Variants in RCAN2 observed in about 807,000 individuals in gnomAD.
RCAN2 encodes calcipressin-2.
In RCAN2, 9 loss-of-function variants were observed where a neutral mutation model predicts 23.6. The observed-to-expected ratio is 0.38, with a 90% confidence interval of 0.23 to 0.67. The LOEUF is 0.67. Among genes scored for constraint, RCAN2 ranks in the 30% least tolerant of loss-of-function variants. RCAN2 has a pLI of 0.51. For synonymous variants in RCAN2, 109 were observed against 115.7 expected (o/e 0.94, Z 0.37); for missense variants, 273 against 302.3 (o/e 0.90, Z 0.72).
At chr6:46,409,446 C>T (rs1766491019) in intron 2 of RCAN2, among the ~76,000 whole-genome samples, 1 of 152,212 alleles carries the variant, frequency 6.6e-6, no homozygotes, top group Admixed American at 6.5e-5. Flanking sequence ...TTTGTGGGAT[C>T]ACATTTCTAA....
chr6:46,273,488 T>TA (rs1767584645), intron 2 of RCAN2, among the ~76,000 whole-genome samples: 1 of 152,216 alleles, frequency 6.6e-6, no homozygotes, highest in Non-Finnish European at 1.5e-5. Context: ...ACATTACTAT[T>TA]ACCACTTTTC....
intron 2 of RCAN2, among the ~76,000 whole-genome samples, chr6:46,255,184 T>C (rs1029415491): frequency 2.6e-5 from 4 of 152,080 alleles, no homozygotes; most frequent in African/African-American, 9.7e-5. Context: ...ATTACACCAT[T>C]TCCCCCCAGG....
chr6:46,278,309 C>T (rs2150337223), intron 2 of RCAN2, among the ~76,000 whole-genome samples: 1 of 151,920 alleles, frequency 6.6e-6, no homozygotes, highest in East Asian at 1.9e-4. Context: ...TCCTATATAC[C>T]CTTCATCCAG....
rs115601680 is a variant in RCAN2 at position 46,410,320 on chromosome 6, C to T, written c.225+46432G>A. On this transcript the variant is annotated intron_variant, in intron 2 of 4. Coordinates refer to ENST00000371374, the MANE Select transcript of RCAN2 (RefSeq NM_001251974.2). ...AGCTAATTTCCTTAATAAATCCCCA[C>T]TCATTCATCCATCTATCTACCTACC... is the stretch of plus-strand genomic sequence containing the variant. Among the ~76,000 whole-genome samples, 929 of 152,328 alleles carry T rather than the reference C, an allele frequency of 6.1e-3. 7 individuals are homozygous for T. The highest frequency in any genetic ancestry group is 0.01 in the Non-Finnish European group (714 of 68,024).
At chr6:46,405,308 G>T (rs922108705) in intron 2 of RCAN2, among the ~76,000 whole-genome samples, 1 of 152,052 alleles carries the variant, frequency 6.6e-6, no homozygotes, top group Non-Finnish European at 1.5e-5. Flanking sequence ...TTATTGCAAA[G>T]AGGGAAAGAA....
chr6:46,482,324 G>C (rs1582237943), intron 1 of RCAN2, among the ~76,000 whole-genome samples: 1 of 151,868 alleles, frequency 6.6e-6, no homozygotes, highest in East Asian at 1.9e-4. Context: ...TTTTGGAAAA[G>C]GAATAATATC....
chr6:46,311,497 C>G (rs1763259492), intron 2 of RCAN2, among the ~76,000 whole-genome samples: 1 of 152,170 alleles, frequency 6.6e-6, no homozygotes, highest in African/African-American at 2.4e-5. Context: ...ATGGCAGCAA[C>G]ACATACAACA....
At chr6:46,264,542 A>C (rs4714908) in intron 2 of RCAN2, among the ~76,000 whole-genome samples, 119,073 of 152,038 alleles carry the variant, frequency 0.78, 46,966 homozygotes, top group Non-Finnish European at 0.83. Context: ...AAGAATGTAT[A>C]TTAATGATGA....
intron 2 of RCAN2, among the ~76,000 whole-genome samples, chr6:46,333,027 T>A (rs1031866067): frequency 6.6e-6 from 1 of 152,222 alleles, no homozygotes; most frequent in African/African-American, 2.4e-5. Context: ...GGTATCTCAT[T>A]GTGGTTTTGA....
chr6:46,344,578 G>T (rs150101843), intron 2 of RCAN2, among the ~76,000 whole-genome samples: 2,764 of 152,158 alleles, frequency 0.018, 59 homozygotes, highest in South Asian at 0.12. Context: ...GAGGTGGTTT[G>T]AATGGAATTA....
intron 2 of RCAN2, among the ~76,000 whole-genome samples, chr6:46,343,786 A>G (rs1187696533): frequency 6.6e-6 from 1 of 152,234 alleles, no homozygotes; most frequent in Non-Finnish European, 1.5e-5. Flanking sequence ...ATGTTGATAC[A>G]AAAGCTTGTT....
rs536682090 is a variant in RCAN2 at position 46,420,408 on chromosome 6, G to A, written c.225+36344C>T. 1.2e-4 allele frequency among the ~76,000 whole-genome samples: 19 copies of A among 152,214 alleles called. No individual in the cohort carries two copies. The South Asian group carries it at 1.7e-3, about 13-fold the overall frequency. Reference sequence around the variant, plus strand: ...ATCAGGAATCTTCAGGCTCAAGAGCGGTTCAGCAACAGCAGTAATCACAGC... The same window carrying A: ...ATCAGGAATCTTCAGGCTCAAGAGCAGTTCAGCAACAGCAGTAATCACAGC... On this transcript the variant is annotated intron_variant, in intron 2 of 4. Coordinates refer to ENST00000371374, the MANE Select transcript of RCAN2 (RefSeq NM_001251974.2).
chr6:46,387,150 T>G (rs1765779100), intron 2 of RCAN2, among the ~76,000 whole-genome samples: 1 of 152,044 alleles, frequency 6.6e-6, no homozygotes. Flanking sequence ...ATAAAAACCC[T>G]AGAAAAAAAC....
intron 2 of RCAN2, among the ~76,000 whole-genome samples, chr6:46,286,360 T>G (rs1275871608): frequency 6.6e-6 from 1 of 152,230 alleles, no homozygotes; most frequent in Non-Finnish European, 1.5e-5. Context: ...TTTGCTTCAT[T>G]AAACTCTTAA....
chr6:46,418,941 A>G (rs1766788288), intron 2 of RCAN2, among the ~76,000 whole-genome samples: 1 of 151,714 alleles, frequency 6.6e-6, no homozygotes, highest in Non-Finnish European at 1.5e-5. Flanking sequence ...TATAAAAATT[A>G]GCTGGGCGTG....
chr6:46,480,453 G>A (rs1768829989), intron 1 of RCAN2, among the ~76,000 whole-genome samples: 1 of 152,206 alleles, frequency 6.6e-6, no homozygotes, highest in Non-Finnish European at 1.5e-5. Flanking sequence ...AATAATTTGA[G>A]TTTCAGACAG....
chr6:46,312,644 G>A lies in RCAN2; in HGVS notation c.226-63748C>T, dbSNP rs191171076. Reference sequence around the variant, plus strand: ...CCAGAAACCTTACCCTTGTTGAATGGCAACTTAATCATATCCTCAAGATGG... The same window carrying A: ...CCAGAAACCTTACCCTTGTTGAATGACAACTTAATCATATCCTCAAGATGG... On this transcript the variant is annotated intron_variant, in intron 2 of 4. Transcript: ENST00000371374. 5.9e-5 allele frequency among the ~76,000 whole-genome samples: 9 copies of A among 152,284 alleles called. No individual in the cohort carries two copies. In the East Asian group the frequency reaches 1.7e-3, roughly 29 times the overall value.
intron 2 of RCAN2, among the ~76,000 whole-genome samples, chr6:46,416,268 T>G (rs558554884): frequency 6.6e-6 from 1 of 151,184 alleles, no homozygotes; most frequent in East Asian, 1.9e-4. Context: ...AGTTGACCAC[T>G]TAAGGCACCA....
chr6:46,397,398 C>CACAT (rs563083635), intron 2 of RCAN2, among the ~76,000 whole-genome samples: 1,670 of 151,896 alleles, frequency 0.011, 34 homozygotes, highest in South Asian at 0.043. Flanking sequence ...CACACACACA[C>CACAT]ACACACACCA....
Sources: gnomAD v4.1 joint callset for allele counts (sites outside exome capture counted in the v4.1 genomes callset) on GRCh38, gnomAD v4.1.1 for gene constraint, MANE v1.5 for transcripts, NCBI Gene and HGNC (gene_info 2026-07-23, HGNC 2026-07-21) for gene names.